Variants in RBFOX1 observed in about 807,000 individuals in gnomAD.
The protein encoded by RBFOX1 is RNA binding protein fox-1 homolog 1.
RBFOX1 carries 8 observed loss-of-function variants against 57.7 expected under a neutral mutation model. The ratio of observed to expected loss-of-function variants is 0.14; its 90% CI spans 0.08 to 0.25. RBFOX1 has a LOEUF of 0.25. Ranked by LOEUF, RBFOX1 falls within the 10% of genes least tolerant of loss-of-function variation. The probability of loss-of-function intolerance (pLI) is 1.00; values close to 1 mark genes in which losing one functional copy is unlikely to be tolerated. For synonymous variants in RBFOX1, 326 were observed against 222.4 expected (o/e 1.47, Z -4.15); for missense variants, 611 against 548.5 (o/e 1.11, Z -1.14).
intron 4 of RBFOX1, among the ~76,000 whole-genome samples, chr16:7,446,342 A>T (rs1045309854): frequency 5.9e-5 from 9 of 152,182 alleles, no homozygotes; most frequent in Non-Finnish European, 1.2e-4. Flanking sequence ...TGTCCCAGGA[A>T]TGAAAATGGT....
chr16:5,590,808 A>G (rs2046982762), intron 2 of RBFOX1, among the ~76,000 whole-genome samples: 3 of 152,164 alleles, frequency 2.0e-5, no homozygotes, highest in African/African-American at 7.2e-5. Flanking sequence ...GAGTGCATCT[A>G]CCTCAGTGGT....
intron 2 of RBFOX1, among the ~76,000 whole-genome samples, chr16:6,455,997 T>G (rs185308830): frequency 2.0e-5 from 3 of 151,414 alleles, no homozygotes. Flanking sequence ...GCACAAAGCT[T>G]ATATCTAAGG....
At chr16:7,117,809 C>G (rs891864678) in intron 4 of RBFOX1, among the ~76,000 whole-genome samples, 2 of 152,130 alleles carry the variant, frequency 1.3e-5, no homozygotes, top group African/African-American at 2.4e-5. Context: ...TCATTAGAGA[C>G]TCATCTCGAA....
intron 7 of RBFOX1, among the ~76,000 whole-genome samples, chr16:7,592,893 C>T (rs947952316): frequency 3.9e-5 from 6 of 152,036 alleles, no homozygotes; most frequent in African/African-American, 1.2e-4. Flanking sequence ...CTCACTGTAG[C>T]CTCAACCTCC....
chr16:6,936,603 C>A (rs770928324), intron 3 of RBFOX1, among the ~76,000 whole-genome samples: 9 of 152,066 alleles, frequency 5.9e-5, no homozygotes, highest in Non-Finnish European at 8.8e-5. Flanking sequence ...AAGCACTTGA[C>A]ATCCCTATAA....
intron 3 of RBFOX1, among the ~76,000 whole-genome samples, chr16:6,748,217 T>A (rs181873145): frequency 6.6e-6 from 1 of 152,268 alleles, no homozygotes; most frequent in Admixed American, 6.5e-5. Context: ...TTCAGTACCA[T>A]GCTGTGCATA....
intron 4 of RBFOX1, among the ~76,000 whole-genome samples, chr16:7,393,354 T>C (rs1597317008): frequency 6.6e-6 from 1 of 152,346 alleles, no homozygotes; most frequent in South Asian, 2.1e-4. Context: ...TGCTCACCTC[T>C]GGATGTCAAT....
chr16:7,530,179 C>T (rs373470522), intron 5 of RBFOX1, among the ~76,000 whole-genome samples: 98 of 152,156 alleles, frequency 6.4e-4, no homozygotes, highest in Middle Eastern at 3.4e-3. Flanking sequence ...GAATGATGCT[C>T]AGGTTCAGAG....
rs552368790 is a variant in RBFOX1 at position 5,369,204 on chromosome 16, G to A, written c.220-98012G>A. Among the ~76,000 whole-genome samples, 14 of 152,320 alleles carry A rather than the reference G, an allele frequency of 9.2e-5. 1 individual carries two copies. The South Asian group carries it at 1.7e-3, about 18-fold the overall frequency. ...TTTAGTGGAGACTGGGTTTTACCAT[G>A]TTGGCCAGGATGGTCTTGAACTCCT... is the stretch of plus-strand genomic sequence containing the variant. On this transcript the variant is annotated intron_variant, in intron 1 of 2. Transcript: ENST00000585867.
chr16:6,241,890 T>A (rs943249482), intron 1 of RBFOX1, among the ~76,000 whole-genome samples: 1 of 152,204 alleles, frequency 6.6e-6, no homozygotes, highest in African/African-American at 2.4e-5. Context: ...ACATGGACAC[T>A]TTTAGGAATG....
intron 3 of RBFOX1, among the ~76,000 whole-genome samples, chr16:5,708,038 AAGAG>A (rs1320841820): frequency 6.6e-6 from 1 of 152,130 alleles, no homozygotes; most frequent in African/African-American, 2.4e-5. Context: ...TTGTTGTTGA[AAGAG>A]AGAATAAAAG....
intron 2 of RBFOX1, among the ~76,000 whole-genome samples, chr16:6,481,977 C>T (rs1392734113): frequency 6.6e-6 from 1 of 152,122 alleles, no homozygotes; most frequent in Non-Finnish European, 1.5e-5. Flanking sequence ...ATGATGGTTA[C>T]ATAAGGAATT....
chr16:7,078,038 C>A lies in RBFOX1; in HGVS notation c.27+25940C>A, dbSNP rs115474272. Among the ~76,000 whole-genome samples, 184 of 152,284 alleles carry A rather than the reference C, an allele frequency of 1.2e-3. 1 individual carries two copies. Among genetic ancestry groups the A allele is most frequent in the African/African-American group, 4.2e-3 (174 of 41,556 alleles). On this transcript the variant is annotated intron_variant, in intron 4 of 15. Transcript: ENST00000550418. Reference sequence around the variant, plus strand: ...TTACCTCCATCACTGCTAAGACAGACAAACACCTTTTGAGATTTTCCTGCC... The same window carrying A: ...TTACCTCCATCACTGCTAAGACAGAAAAACACCTTTTGAGATTTTCCTGCC...
At chr16:5,871,008 C>A (rs904047233) in intron 4 of RBFOX1, among the ~76,000 whole-genome samples, 2 of 152,140 alleles carry the variant, frequency 1.3e-5, no homozygotes, top group African/African-American at 4.8e-5. Context: ...TGCCAGTTCC[C>A]TTTCTCTCTG....
chr16:6,375,057 C>A (rs562092978), intron 2 of RBFOX1, among the ~76,000 whole-genome samples: 1 of 152,220 alleles, frequency 6.6e-6, no homozygotes, highest in African/African-American at 2.4e-5. Flanking sequence ...TGAGACCTCG[C>A]CAGGTCCAAC....
intron 4 of RBFOX1, among the ~76,000 whole-genome samples, chr16:7,348,108 A>C (rs2097053557): frequency 6.6e-6 from 1 of 152,364 alleles, no homozygotes; most frequent in East Asian, 1.9e-4. Context: ...ATTGTTGCTT[A>C]CTTTTCTTAC....
At chr16:6,597,281 C>A (rs1458342336) in intron 2 of RBFOX1, among the ~76,000 whole-genome samples, 1 of 152,068 alleles carries the variant, frequency 6.6e-6, no homozygotes, top group Non-Finnish European at 1.5e-5. Context: ...TAATGTGTGC[C>A]AGTTTTATAC....
chr16:6,676,679 T>TC (rs1309602688), intron 3 of RBFOX1, among the ~76,000 whole-genome samples: 1 of 145,070 alleles, frequency 6.9e-6, no homozygotes, highest in East Asian at 2.0e-4. Flanking sequence ...TTTTCTTTTT[T>TC]TTTTTTTTTT....
At chr16:6,588,931 A>G (rs2097670526) in intron 2 of RBFOX1, among the ~76,000 whole-genome samples, 1 of 152,174 alleles carries the variant, frequency 6.6e-6, no homozygotes, top group Non-Finnish European at 1.5e-5. Flanking sequence ...AAATTTCCCC[A>G]GGATACACTA....
Sources: allele counts gnomAD v4.1 joint callset (sites outside exome capture counted in the v4.1 genomes callset), GRCh38; gene constraint gnomAD v4.1.1; transcripts MANE v1.5; gene names NCBI Gene and HGNC (gene_info 2026-07-23, HGNC 2026-07-21).